The following GLG1 variants were observed in gnomAD, a reference collection of about 807,000 sequenced individuals.
GLG1 encodes the protein Golgi apparatus protein 1.
In GLG1, 38 loss-of-function variants were observed where a neutral mutation model predicts 160.5. The observed-to-expected ratio is 0.24, with a 90% confidence interval of 0.18 to 0.31. The LOEUF (loss-of-function observed/expected upper bound fraction) is 0.31, where lower values mean the gene tolerates loss of function less well. GLG1 is among the 10% of genes least tolerant of loss of function. The pLI, the probability that GLG1 is intolerant of heterozygous loss-of-function variation, is 1.00. For missense variants in GLG1, 1,373 were observed against 1,505.2 expected (o/e 0.91, Z 1.45); for synonymous variants, 644 against 543.4 (o/e 1.19, Z -2.57).
intron 1 of GLG1, among the ~76,000 whole-genome samples, chr16:74,583,498 A>C (rs1005941421): frequency 6.6e-6 from 1 of 152,050 alleles, no homozygotes; most frequent in South Asian, 2.1e-4. Flanking sequence ...CTCATGCCTC[A>C]ACTCCCTAGT....
At chr16:74,568,212 A>G (rs1404173283) in intron 1 of GLG1, among the ~76,000 whole-genome samples, 1 of 152,208 alleles carries the variant, frequency 6.6e-6, no homozygotes, top group Non-Finnish European at 1.5e-5. Context: ...CCAAGTATCA[A>G]TACCTATCTA....
intron 1 of GLG1, among the ~76,000 whole-genome samples, chr16:74,582,251 C>A (rs1288188186): frequency 1.3e-5 from 2 of 152,140 alleles, no homozygotes; most frequent in Non-Finnish European, 2.9e-5. Context: ...ACTGCAACCT[C>A]TGCCTCCCAG....
intron 1 of GLG1, among the ~76,000 whole-genome samples, chr16:74,581,413 C>T (rs1225032829): frequency 6.6e-6 from 1 of 151,678 alleles, no homozygotes; most frequent in Non-Finnish European, 1.5e-5. Flanking sequence ...TATCACGATT[C>T]CACTTACATG....
rs200396560 is a variant in GLG1 at position 74,463,384 on chromosome 16, T to A, written c.2763A>T (p.Ile921=). ...ELMDPKCKQM[I]TKRQITQNTD... is the part of the protein sequence containing the mutation. ...TGTTCTGGGTGATCTGGCGCTTGGT[T>A]ATCATCTGTTTGCATTTGGGATCCA... Residue 921 remains isoleucine (I), a synonymous_variant, in exon 20 of 26, where the codon ATA becomes ATT. Transcript: ENST00000422840. 1.1e-4 allele frequency: 173 copies of A among 1,614,186 alleles called. No homozygotes were observed. The highest frequency in any genetic ancestry group is 1.3e-4 in the Non-Finnish European group (159 of 1,179,982).
chr16:74,588,545 A>T (rs6564146), intron 1 of GLG1, among the ~76,000 whole-genome samples: 1 of 151,750 alleles, frequency 6.6e-6, no homozygotes. Flanking sequence ...TCAGCCTCAC[A>T]AGTAGCCAGG....
chr16:74,452,473 A>G lies in GLG1; in HGVS notation c.*694T>C. On this transcript the variant is annotated 3_prime_UTR_variant, in exon 26 of 26. Coordinates refer to ENST00000422840, the MANE Select transcript of GLG1 (RefSeq NM_001145667.2). ...TGCTTTGCTTCAATGAAGCGAGGAG[A>G]CCACAGAAATACCCATGGCTGTGGG... The G allele has an allele frequency of 3.7e-6, 4 of 1,071,178 alleles. No individual in the cohort carries two copies. Among genetic ancestry groups the G allele is most frequent in the Non-Finnish European group, 4.5e-6 (4 of 879,290 alleles). The allele number at this position is 1,071,178 out of a possible 1,614,324, so 66.4% of individuals were successfully genotyped here.
Position 74,463,730 on chromosome 16 carries a change from T to TG in GLG1, c.2668-252_2668-251insC, listed in dbSNP as rs200028411. On this transcript the variant is annotated intron_variant, in intron 19 of 25. Transcript: ENST00000422840. ...CCACGCCCAGCTCATTTTTGTGTTT[T>TG]TTTTGTTGTTGTTGTTGTTGTTTTA... is the stretch of plus-strand genomic sequence containing the variant. Among the ~76,000 whole-genome samples, 24 of 60,710 alleles carry TG rather than the reference T, an allele frequency of 4.0e-4. No individual in the cohort carries two copies. In the South Asian group the frequency reaches 6.1e-3, roughly 15 times the overall value. 39.8% of individuals were successfully genotyped at this position (60,710 alleles called of 152,430 possible).
chr16:74,557,836 T>G (rs1462182145), intron 1 of GLG1, among the ~76,000 whole-genome samples: 2 of 151,742 alleles, frequency 1.3e-5, no homozygotes, highest in African/African-American at 4.8e-5. Context: ...TCCATCTGCC[T>G]CAGCTCCCAA....
At chr16:74,557,425 G>C (rs1241146209) in intron 1 of GLG1, among the ~76,000 whole-genome samples, 1 of 152,126 alleles carries the variant, frequency 6.6e-6, no homozygotes, top group Non-Finnish European at 1.5e-5. Flanking sequence ...GCTCTCTTTA[G>C]GTCTGGGGAG....
At chr16:74,568,422 T>C (rs1173346929) in intron 1 of GLG1, among the ~76,000 whole-genome samples, 10 of 150,180 alleles carry the variant, frequency 6.7e-5, no homozygotes, top group African/African-American at 2.0e-4. Context: ...TTACTGCTTT[T>C]TTTTTTTTTT....
At chr16:74,464,500 C>T (rs3826239) in intron 19 of GLG1, among the ~76,000 whole-genome samples, 43,928 of 152,130 alleles carry the variant, frequency 0.29, 6,542 homozygotes, top group Middle Eastern at 0.39. Flanking sequence ...CTTCAAGTGT[C>T]ACAGTGTCTG....
chr16:74,589,695 A>T (rs1004843452), intron 1 of GLG1, among the ~76,000 whole-genome samples: 3 of 152,124 alleles, frequency 2.0e-5, no homozygotes, highest in Non-Finnish European at 1.5e-5. Context: ...AAACACAACA[A>T]TGTCTTCTGA....
intron 1 of GLG1, among the ~76,000 whole-genome samples, chr16:74,569,707 C>CA (rs1260311913): frequency 6.6e-6 from 1 of 151,738 alleles, no homozygotes; most frequent in African/African-American, 2.4e-5. Flanking sequence ...ACTAAAAATA[C>CA]AAAAAATTAG....
chr16:74,456,611 T>G, intron 25 of GLG1, 38 bp downstream of exon 25: 1 of 1,234,646 alleles, frequency 8.1e-7, no homozygotes, highest in Non-Finnish European at 1.2e-6. Flanking sequence ...TCCATATTTT[T>G]TTGTTTTTTT....
At chr16:74,465,517 G>T (rs1241729551) in intron 19 of GLG1, among the ~76,000 whole-genome samples, 159 bp downstream of exon 19, 4 of 152,160 alleles carry the variant, frequency 2.6e-5, no homozygotes, top group Non-Finnish European at 5.9e-5. Flanking sequence ...AGATCTGGAG[G>T]GGGGCCCAGG....
At chr16:74,524,608 C>T (rs2017279971) in intron 2 of GLG1, among the ~76,000 whole-genome samples, 1 of 149,980 alleles carries the variant, frequency 6.7e-6, no homozygotes, top group African/African-American at 2.5e-5. Context: ...GATATGATGT[C>T]TCGGTTATGC....
intron 13 of GLG1, 82 bp from the exon 14 acceptor site, chr16:74,472,493 T>A: frequency 7.5e-7 from 1 of 1,332,048 alleles, no homozygotes; most frequent in Non-Finnish European, 1.1e-6. Flanking sequence ...TCTGAATCAG[T>A]AATATCTGAT....
At chr16:74,530,574 G>T (rs2903724) in intron 2 of GLG1, among the ~76,000 whole-genome samples, 8 of 151,686 alleles carry the variant, frequency 5.3e-5, no homozygotes, top group South Asian at 2.1e-4. Context: ...GTAGTTTTTT[G>T]ATCTATGGGC....
intron 13 of GLG1, among the ~76,000 whole-genome samples, chr16:74,473,982 C>T (rs1432210084): frequency 6.6e-6 from 1 of 151,884 alleles, no homozygotes; most frequent in Non-Finnish European, 1.5e-5. Flanking sequence ...AACACAGTCT[C>T]CCACTCTGTT....
Sources: gnomAD v4.1 joint callset for allele counts (sites outside exome capture counted in the v4.1 genomes callset) on GRCh38, gnomAD v4.1.1 for gene constraint, MANE v1.5 for transcripts, NCBI Gene and HGNC (gene_info 2026-07-23, HGNC 2026-07-21) for gene names.